CDH18: variants seen among roughly 807,000 people sequenced by gnomAD.
The protein encoded by CDH18 is cadherin-18.
In CDH18, 31 loss-of-function variants were observed where a neutral mutation model predicts 67.9. The observed-to-expected ratio is 0.46, with a 90% CI of 0.34 to 0.62. The LOEUF (loss-of-function observed/expected upper bound fraction) is 0.62. Ranked by LOEUF, CDH18 falls within the 20% of genes least tolerant of loss-of-function variation. The pLI is 0.01. For missense variants in CDH18, 890 were observed against 975.5 expected (o/e 0.91, Z 1.17); for synonymous variants, 362 against 347.2 (o/e 1.04, Z -0.48).
intron 3 of CDH18, among the ~76,000 whole-genome samples, chr5:19,758,698 C>A (rs1328477575): frequency 6.6e-6 from 1 of 152,222 alleles, no homozygotes; most frequent in Non-Finnish European, 1.5e-5. Context: ...CCAAATGCAG[C>A]AATTTATCCT....
chr5:20,425,848 T>G (rs957709556), intron 1 of CDH18, among the ~76,000 whole-genome samples: 3 of 151,162 alleles, frequency 2.0e-5, no homozygotes, highest in Non-Finnish European at 2.9e-5. Flanking sequence ...TTGGTTTATT[T>G]CTATCATTTT....
chr5:19,712,741 A>C (rs1003334635), intron 5 of CDH18, among the ~76,000 whole-genome samples: 4 of 150,874 alleles, frequency 2.7e-5, no homozygotes, highest in Non-Finnish European at 5.9e-5. Flanking sequence ...TGTATTTTCT[A>C]TATATATGTG....
intron 2 of CDH18, among the ~76,000 whole-genome samples, chr5:19,964,609 CT>C (rs1049633711): frequency 4.2e-4 from 61 of 145,484 alleles, no homozygotes; most frequent in South Asian, 8.5e-4. Context: ...GATTGTGCCA[CT>C]GCACTCCAGC....
At chr5:19,774,210 G>A (rs1774030007) in intron 3 of CDH18, among the ~76,000 whole-genome samples, 1 of 151,996 alleles carries the variant, frequency 6.6e-6, no homozygotes, top group Admixed American at 6.6e-5. Context: ...CTGGGTGGCA[G>A]GGTGACAACT....
intron 2 of CDH18, among the ~76,000 whole-genome samples, chr5:19,965,147 C>T (rs1208038841): frequency 6.6e-6 from 1 of 151,506 alleles, no homozygotes; most frequent in Non-Finnish European, 1.5e-5. Flanking sequence ...TTTTCTATAC[C>T]CGCGTTTTAA....
intron 1 of CDH18, chr5:20,304,350 T>G (rs1736226491): frequency 5.9e-6 from 9 of 1,513,126 alleles, no homozygotes. Context: ...TTATCTTTCT[T>G]GTAAAATAGT....
chr5:19,875,259 A>G (rs1291413107), intron 2 of CDH18, among the ~76,000 whole-genome samples: 1 of 152,200 alleles, frequency 6.6e-6, no homozygotes, highest in African/African-American at 2.4e-5. Flanking sequence ...ATAGGATTTG[A>G]TGGGCCCCAA....
chr5:20,329,659 A>T (rs1420186137), intron 1 of CDH18, among the ~76,000 whole-genome samples: 1 of 149,618 alleles, frequency 6.7e-6, no homozygotes, highest in Non-Finnish European at 1.5e-5. Flanking sequence ...AATCCCAGCT[A>T]CTTGGGAGGC....
chr5:19,559,081 C>T (rs1738978645), intron 8 of CDH18, among the ~76,000 whole-genome samples: 1 of 152,038 alleles, frequency 6.6e-6, no homozygotes, highest in Non-Finnish European at 1.5e-5. Context: ...GATCTTCTTG[C>T]TTCTCTTCTT....
chr5:20,196,774 G>A (rs555969748), intron 2 of CDH18, among the ~76,000 whole-genome samples: 3 of 152,226 alleles, frequency 2.0e-5, no homozygotes, highest in East Asian at 3.9e-4. Context: ...TCCATGATTT[G>A]AAGCATGATT....
Position 19,483,344 on chromosome 5 carries a change from T to G in CDH18, c.1839A>C (p.Thr613=), listed in dbSNP as rs1167810979. The change falls in exon 12 of 13, where the codon ACA becomes ACC. Residue 613 remains threonine, a synonymous_variant. Transcript: ENST00000382275. ...EAFLSSAGLS[T]GALIAILLCV... is the part of the protein sequence containing the mutation. ...AGAGAAGAATAGCGATTAAGGCTCC[T>G]GTACTCAAACCAGCCGAGGACAGGA... The G allele has an allele frequency of 6.2e-7, 1 of 1,614,006 alleles. No individual in the cohort carries two copies. The highest frequency in any genetic ancestry group is 8.5e-7 in the Non-Finnish European group (1 of 1,180,004).
chr5:20,520,397 A>G lies in CDH18; in HGVS notation c.-580+55065T>C, dbSNP rs147247321. Among the ~76,000 whole-genome samples the G allele has an allele frequency of 2.4e-3, 364 of 152,220 alleles. 4 individuals carry two copies. The highest frequency in any genetic ancestry group is 8.2e-3 in the African/African-American group (340 of 41,540). On this transcript the variant is annotated intron_variant, in intron 1 of 14. Transcript: ENST00000507958. ...AACAATCATGCATGCAAAAGAGAATATGGAAACGTTATGGTAGAGTCTGAT... is the reference window on the plus strand; with the variant it reads ...AACAATCATGCATGCAAAAGAGAATGTGGAAACGTTATGGTAGAGTCTGAT...
intron 2 of CDH18, among the ~76,000 whole-genome samples, chr5:19,970,116 A>C (rs1290535597): frequency 6.6e-6 from 1 of 151,900 alleles, no homozygotes; most frequent in South Asian, 2.1e-4. Context: ...ACAAATGGTC[A>C]GTAAAGAACC....
At chr5:19,518,523 G>C (rs1255400883) in intron 10 of CDH18, among the ~76,000 whole-genome samples, 2 of 152,128 alleles carry the variant, frequency 1.3e-5, no homozygotes, top group Admixed American at 1.3e-4. Context: ...CATCTAATCA[G>C]CTGCCAGACA....
chr5:19,561,324 A>G (rs1327629660), intron 8 of CDH18, among the ~76,000 whole-genome samples: 1 of 152,184 alleles, frequency 6.6e-6, no homozygotes, highest in Non-Finnish European at 1.5e-5. Flanking sequence ...AATACTAGTC[A>G]GCCACAAAAA....
intron 2 of CDH18, among the ~76,000 whole-genome samples, chr5:20,247,745 CTG>C (rs1743494813): frequency 7.0e-6 from 1 of 143,756 alleles, no homozygotes; most frequent in East Asian, 2.0e-4. Context: ...GCCTGGCCAA[CTG>C]AGCGAGACCA....
chr5:20,053,288 G>A (rs1242061690), intron 2 of CDH18, among the ~76,000 whole-genome samples: 1 of 150,508 alleles, frequency 6.6e-6, no homozygotes, highest in Non-Finnish European at 1.5e-5. Context: ...ATATATATAT[G>A]ATATATGTAG....
At chr5:20,043,536 T>A (rs1740632842) in intron 2 of CDH18, among the ~76,000 whole-genome samples, 1 of 152,204 alleles carries the variant, frequency 6.6e-6, no homozygotes, top group Non-Finnish European at 1.5e-5. Context: ...TGCAGGGCAC[T>A]AACTATACAA....
chr5:20,384,037 C>A (rs1744116314), intron 1 of CDH18, among the ~76,000 whole-genome samples: 1 of 151,946 alleles, frequency 6.6e-6, no homozygotes, highest in South Asian at 2.1e-4. Flanking sequence ...ATTTAGCAAG[C>A]AGTAAAGTTT....
Sources: gnomAD v4.1 joint callset for allele counts (sites outside exome capture counted in the v4.1 genomes callset) on GRCh38, gnomAD v4.1.1 for gene constraint, MANE v1.5 for transcripts, NCBI Gene and HGNC (gene_info 2026-07-23, HGNC 2026-07-21) for gene names.